The following GTF3C1 variants were observed in gnomAD, a reference collection of about 807,000 sequenced individuals.
GTF3C1 encodes the protein general transcription factor 3C polypeptide 1.
A neutral mutation model predicts 226.7 loss-of-function variants in GTF3C1; 57 were observed. The ratio of observed to expected loss-of-function variants is 0.25; its 90% CI spans 0.20 to 0.31. The LOEUF (loss-of-function observed/expected upper bound fraction) is 0.31, where lower values mean the gene tolerates loss of function less well. Ranked by LOEUF, GTF3C1 falls within the 10% of genes least tolerant of loss-of-function variation. The pLI is 1.00. For synonymous variants in GTF3C1, 1,090 were observed against 1,084.8 expected (o/e 1.00, Z -0.09); for missense variants, 2,217 against 2,776.1 (o/e 0.80, Z 4.53).
Position 27,539,106 on chromosome 16 carries a change from C to T in GTF3C1, c.432-750G>A, listed in dbSNP as rs181168132. Among the ~76,000 whole-genome samples, 11 of 149,278 alleles carry T rather than the reference C, an allele frequency of 7.4e-5. No individual in the cohort carries two copies. In the East Asian group the frequency reaches 9.9e-4, roughly 13 times the overall value. ...CCTGTTCACCAGGACATCCTCAGTG[C>T]GCAGAATGAATTTGGGTGATAATAG... On this transcript the variant is annotated intron_variant, in intron 2 of 36. Transcript: ENST00000356183.
At chr16:27,479,333 T>C (rs2088003776) in intron 27 of GTF3C1, among the ~76,000 whole-genome samples, 1 of 152,164 alleles carries the variant, frequency 6.6e-6, no homozygotes, top group Non-Finnish European at 1.5e-5. Flanking sequence ...TTTTTTGAGT[T>C]TCATGTAATA....
chr16:27,501,444 A>C, intron 11 of GTF3C1, 100 bp from the exon 12 acceptor site: 1 of 1,042,408 alleles, frequency 9.6e-7, no homozygotes, highest in Non-Finnish European at 1.5e-6. Context: ...CCCAATAGAA[A>C]CAAGGAAGGA....
intron 34 of GTF3C1, 102 bp downstream of exon 34, chr16:27,464,218 G>GC: frequency 1.5e-6 from 1 of 657,564 alleles, no homozygotes; most frequent in Non-Finnish European, 2.3e-6. Context: ...TGTGCCAGTG[G>GC]CAGGTCCCCC....
Position 27,533,332 on chromosome 16 carries a change from T to C in GTF3C1, c.808A>G (p.Thr270Ala), listed in dbSNP as rs2088949977. 1 of 1,608,808 alleles carries C rather than the reference T, an allele frequency of 6.2e-7. No individual in the cohort carries two copies. Among genetic ancestry groups the C allele is most frequent in the Non-Finnish European group, 8.5e-7 (1 of 1,175,150 alleles). The change falls in exon 5 of 37, where the codon ACT (threonine) becomes GCT (alanine). Residue 270 changes from threonine to alanine, a missense_variant. By Grantham distance (58) the Thr-to-Ala change is moderately conservative. Transcript: ENST00000356183. ...TTTCCCAGCGTCTCTATGTGGTTAG[T>C]CCGTGTGCTCAGCATGACCGAAAGC... ...EKLSVMLSTR[T>A]NHIETLGKLR...
In GTF3C1 at chr16:27,471,942, G is replaced by T; in HGVS notation, c.4354-22C>A. The T allele has an allele frequency of 6.2e-7, 1 of 1,611,148 alleles. No homozygotes were observed. Among genetic ancestry groups the T allele is most frequent in the Non-Finnish European group, 8.5e-7 (1 of 1,177,538 alleles). On this transcript the variant is annotated intron_variant, in intron 29 of 36. Coordinates refer to ENST00000356183, the MANE Select transcript of GTF3C1 (RefSeq NM_001520.4). This position sits in a 1 kb window ranked among gnomAD's most constrained non-coding sequence, Gnocchi z 5.0. Reference sequence around the variant, plus strand: ...AAGTCTGCAACACAGGGCGGCGAGGGTGAGTAGGGTTCTCCAGCCGGCCAC... The same window carrying T: ...AAGTCTGCAACACAGGGCGGCGAGGTTGAGTAGGGTTCTCCAGCCGGCCAC...
At position 27,488,426 on chromosome 16, in the gene GTF3C1, T is replaced by C; in HGVS notation, c.3512-11A>G. The stretch of plus-strand genomic sequence containing the variant: ...TCAACCTGCTGTTGCCTAGACATAA[T>C]CACAGGAGACAACAGTTTCAGGACG... On this transcript the variant is annotated splice_polypyrimidine_tract_variant and intron_variant, in intron 22 of 36. Coordinates refer to ENST00000356183, the MANE Select transcript of GTF3C1 (RefSeq NM_001520.4). 1.2e-6 allele frequency: 2 copies of C among 1,603,658 alleles called. No homozygotes were observed. The highest frequency in any genetic ancestry group is 1.7e-6 in the Non-Finnish European group (2 of 1,170,790).
In GTF3C1 at chr16:27,540,131, A is replaced by C. The variant is rs574362729; in HGVS notation, c.432-1775T>G. The stretch of plus-strand genomic sequence containing the variant: ...ACAGTTTTCCTTCCCTCTTCCCCAC[A>C]CCAGATGACTTTATTTCTACCACTA... On this transcript the variant is annotated intron_variant, in intron 2 of 36. Transcript: ENST00000356183. 7.8e-4 allele frequency among the ~76,000 whole-genome samples: 119 copies of C among 152,248 alleles called. 1 individual carries two copies. The highest frequency in any genetic ancestry group is 1.4e-3 in the Admixed American group (21 of 15,298).
At chr16:27,535,091 C>T (rs1003575347) in intron 4 of GTF3C1, among the ~76,000 whole-genome samples, 1 of 152,144 alleles carries the variant, frequency 6.6e-6, no homozygotes. Context: ...AAAACTTATG[C>T]AACCACTTAC....
At chr16:27,523,697 G>T (rs74016088) in intron 6 of GTF3C1, among the ~76,000 whole-genome samples, 1 of 152,108 alleles carries the variant, frequency 6.6e-6, no homozygotes, top group Non-Finnish European at 1.5e-5. Flanking sequence ...CATGTAAAGC[G>T]TGTGGTCACC....
rs2087868147 is a variant in GTF3C1, at chr16:27,471,444, G to C, written c.4526+304C>G. 1 of 329,256 alleles carries C rather than the reference G, an allele frequency of 3.0e-6. No individual in the cohort carries two copies. The highest frequency in any genetic ancestry group is 4.3e-5 in the Admixed American group (1 of 23,178). 20.4% of individuals were successfully genotyped at this position (329,256 alleles called of 1,614,324 possible). A position where few individuals can be genotyped will look rare whatever the true frequency, so the allele number is the denominator to read the frequency against. On this transcript the variant is annotated intron_variant, in intron 30 of 36. Coordinates refer to ENST00000356183, the MANE Select transcript of GTF3C1 (RefSeq NM_001520.4). This position sits in a 1 kb window ranked among gnomAD's most constrained non-coding sequence, Gnocchi z 5.0. ...GAGGCTATGCTGGAACAGGAGGGTG[G>C]ACTTCCAGCCAGGCCAATTATTAAA... is the stretch of plus-strand genomic sequence containing the variant.
intron 1 of GTF3C1, 78 bp downstream of exon 1, chr16:27,549,592 C>T: frequency 1.3e-6 from 1 of 787,554 alleles, no homozygotes; most frequent in South Asian, 1.7e-5. Context: ...ACTCCATTCC[C>T]CCGCCCTGCC....
chr16:27,488,028 G>A (rs149342574), intron 23 of GTF3C1, among the ~76,000 whole-genome samples, 199 bp downstream of exon 23: 356 of 152,182 alleles, frequency 2.3e-3, no homozygotes, highest in African/African-American at 7.8e-3. Flanking sequence ...GGAAGCATAC[G>A]GGATATTCGA....
chr16:27,529,424 G>A (rs1272140417), intron 5 of GTF3C1, among the ~76,000 whole-genome samples: 1 of 148,986 alleles, frequency 6.7e-6, no homozygotes, highest in Non-Finnish European at 1.5e-5. Flanking sequence ...CTGGGTGACA[G>A]AGTGAGACTC....
intron 6 of GTF3C1, among the ~76,000 whole-genome samples, chr16:27,519,691 G>A (rs2088715382): frequency 6.6e-6 from 1 of 151,866 alleles, no homozygotes; most frequent in Non-Finnish European, 1.5e-5. Flanking sequence ...AAAAGAAAGA[G>A]GGCAAGAGAA....
At chr16:27,523,580 G>GT (rs1173150939) in intron 6 of GTF3C1, among the ~76,000 whole-genome samples, 1 of 152,130 alleles carries the variant, frequency 6.6e-6, no homozygotes, top group Non-Finnish European at 1.5e-5. Flanking sequence ...CGCACGGAAA[G>GT]TAACTGAAGC....
At chr16:27,534,246 C>T (rs1393438202) in intron 4 of GTF3C1, among the ~76,000 whole-genome samples, 1 of 152,226 alleles carries the variant, frequency 6.6e-6, no homozygotes, top group Non-Finnish European at 1.5e-5. Flanking sequence ...ATGATCAATG[C>T]TTCCAAGCTA....
At chr16:27,528,525 G>T (rs1014615368) in intron 6 of GTF3C1, 73 bp downstream of exon 6, 17 of 1,167,330 alleles carry the variant, frequency 1.5e-5, no homozygotes, top group Non-Finnish European at 2.1e-5. Flanking sequence ...ATCAGAGAGA[G>T]AGAGGCTGAA....
intron 6 of GTF3C1, among the ~76,000 whole-genome samples, chr16:27,516,675 T>G (rs967300918): frequency 3.9e-5 from 6 of 152,236 alleles, no homozygotes; most frequent in Non-Finnish European, 7.3e-5. Flanking sequence ...AAAGTCTCGC[T>G]TTGTCGTCCA....
chr16:27,473,434 A>G (rs2087905740), intron 29 of GTF3C1, among the ~76,000 whole-genome samples: 1 of 152,228 alleles, frequency 6.6e-6, no homozygotes, highest in South Asian at 2.1e-4. Context: ...CCATCCTCTG[A>G]GAGAGCTCCT....
Sources: allele counts gnomAD v4.1 joint callset (sites outside exome capture counted in the v4.1 genomes callset), GRCh38; gene constraint gnomAD v4.1.1; non-coding constraint Gnocchi (gnomAD v3.1); transcripts MANE v1.5; gene names NCBI Gene and HGNC (gene_info 2026-07-23, HGNC 2026-07-21).